SLC9C2: variants seen among roughly 807,000 people sequenced by gnomAD.
SLC9C2 encodes the protein solute carrier family 9 member C2 (putative).
Under a neutral mutation model 140.2 loss-of-function variants are expected in SLC9C2, and 75 were observed. The ratio of observed to expected loss-of-function variants is 0.53; its 90% CI spans 0.44 to 0.65. The LOEUF (loss-of-function observed/expected upper bound fraction) is 0.65. SLC9C2 is among the 30% of genes least tolerant of loss of function. SLC9C2 has a pLI of 0.00. For missense variants in SLC9C2, 1,074 were observed against 1,331.8 expected (o/e 0.81, Z 3.01); for synonymous variants, 375 against 420.9 (o/e 0.89, Z 1.34).
chr1:173,587,868 T>C lies in SLC9C2; in HGVS notation c.358-38A>G. 7 of 1,499,944 alleles carry C rather than the reference T, an allele frequency of 4.7e-6. 1 individual carries two copies. The South Asian group carries it at 7.5e-5, about 16-fold the overall frequency. 92.9% of individuals were successfully genotyped at this position (1,499,944 alleles called of 1,614,324 possible). On this transcript the variant is annotated intron_variant, in intron 4 of 27. Coordinates refer to ENST00000367714, the MANE Select transcript of SLC9C2 (RefSeq NM_178527.4). ...TCATAACACAGTATTAGACTTAACA[T>C]CTAAAGATGGCATGATGGCATTTAC... is the stretch of plus-strand genomic sequence containing the variant.
chr1:173,505,096 C>T (rs1221212879), intron 26 of SLC9C2, 151 bp downstream of exon 26: 6 of 647,722 alleles, frequency 9.3e-6, no homozygotes, highest in Non-Finnish European at 1.3e-5. Context: ...CCTCCCAGGG[C>T]AATGTGGCAG....
intron 9 of SLC9C2, among the ~76,000 whole-genome samples, chr1:173,563,455 G>A (rs948918372): frequency 1.3e-5 from 2 of 151,998 alleles, no homozygotes; most frequent in African/African-American, 4.8e-5. Context: ...AGGAAGGACC[G>A]GGAAGAGAAG....
In SLC9C2 at chr1:173,600,137, T is replaced by C; in HGVS notation, c.208A>G (p.Met70Val). ...AGTACCTCAACAGAATTGTAGGCCATGTGTCCTATCACGAATCCTGATAGA... is the reference window on the plus strand; with the variant it reads ...AGTACCTCAACAGAATTGTAGGCCACGTGTCCTATCACGAATCCTGATAGA... ...LSLSGFVIGH[M>V]AYNSVEVHQI... Residue 70 changes from methionine to valine, a missense_variant, in exon 3 of 28, where the codon ATG becomes GTG. Met to Val is a conservative substitution (Grantham distance 21). Transcript: ENST00000367714. 6.2e-7 allele frequency: 1 copy of C among 1,606,744 alleles called. No individual in the cohort carries two copies. Among genetic ancestry groups the C allele is most frequent in the Non-Finnish European group, 8.5e-7 (1 of 1,175,818 alleles).
intron 23 of SLC9C2, among the ~76,000 whole-genome samples, chr1:173,509,938 A>G (rs894345006): frequency 7.9e-5 from 12 of 152,248 alleles, no homozygotes; most frequent in African/African-American, 2.7e-4. Flanking sequence ...AGAAAAATGT[A>G]TATCAGTCAA....
At chr1:173,557,636 CT>C in intron 9 of SLC9C2, 128 bp from the exon 10 acceptor site, 1 of 798,610 alleles carries the variant, frequency 1.3e-6, no homozygotes, top group Non-Finnish European at 2.0e-6. Flanking sequence ...ATGCAATTTA[CT>C]GTTAAGTCCT....
intron 11 of SLC9C2, among the ~76,000 whole-genome samples, chr1:173,550,976 G>C (rs1436457531): frequency 6.6e-6 from 1 of 151,850 alleles, no homozygotes; most frequent in Non-Finnish European, 1.5e-5. Context: ...GGGAAAAGGA[G>C]AGCTGCCTAA....
intron 11 of SLC9C2, among the ~76,000 whole-genome samples, chr1:173,549,553 A>G (rs994394299): frequency 6.6e-6 from 1 of 152,192 alleles, no homozygotes; most frequent in African/African-American, 2.4e-5. Context: ...GCACCAGTAC[A>G]TCTGAATATA....
intron 11 of SLC9C2, among the ~76,000 whole-genome samples, chr1:173,553,593 G>C (rs1283114650): frequency 6.6e-6 from 1 of 152,216 alleles, no homozygotes; most frequent in Middle Eastern, 3.2e-3. Flanking sequence ...ATGATTGTTA[G>C]CATTTTTTTA....
chr1:173,547,339 C>T (rs985980126), intron 13 of SLC9C2, among the ~76,000 whole-genome samples: 8 of 150,812 alleles, frequency 5.3e-5, no homozygotes, highest in African/African-American at 1.2e-4. Flanking sequence ...GAGAGAATTT[C>T]GTATAAATGG....
chr1:173,586,845 C>T (rs1398182646), intron 5 of SLC9C2, among the ~76,000 whole-genome samples: 1 of 152,034 alleles, frequency 6.6e-6, no homozygotes, highest in Non-Finnish European at 1.5e-5. Context: ...CATATGGACA[C>T]AGGGAGGGAA....
chr1:173,559,284 C>A (rs915985430), intron 9 of SLC9C2, among the ~76,000 whole-genome samples: 2 of 152,228 alleles, frequency 1.3e-5, no homozygotes, highest in Admixed American at 1.3e-4. Context: ...GATGCTCCCC[C>A]TGCCCTGCCT....
intron 13 of SLC9C2, among the ~76,000 whole-genome samples, chr1:173,540,030 A>G (rs1662263144): frequency 6.6e-6 from 1 of 152,176 alleles, no homozygotes; most frequent in Non-Finnish European, 1.5e-5. Flanking sequence ...TTTGACTAAT[A>G]AAATGGGGGT....
In SLC9C2 at chr1:173,507,028, T is replaced by G; in HGVS notation, c.3053A>C (p.Gln1018Pro). ...SSLIDEDLRF[Q>P]NCVMFNQAYV... Reference sequence around the variant, plus strand: ...TGCTTGATTGAACATCACACAGTTCTGAAACCTTAAGTCCTATAATAAAAT... The same window carrying G: ...TGCTTGATTGAACATCACACAGTTCGGAAACCTTAAGTCCTATAATAAAAT... Residue 1018 changes from glutamine (Q) to proline (P), a missense_variant, in exon 25 of 28, where the codon CAG becomes CCG. Physicochemically the swap from Gln to Pro is moderately conservative, Grantham distance 76. Coordinates refer to ENST00000367714, the MANE Select transcript of SLC9C2 (RefSeq NM_178527.4). 1 of 1,586,334 alleles carries G rather than the reference T, an allele frequency of 6.3e-7. No individual in the cohort carries two copies. The highest frequency in any genetic ancestry group is 8.5e-7 in the Non-Finnish European group (1 of 1,170,896).
intron 11 of SLC9C2, among the ~76,000 whole-genome samples, chr1:173,550,868 T>G (rs1468267680): frequency 1.5e-5 from 1 of 68,334 alleles, no homozygotes; most frequent in Non-Finnish European, 2.5e-5. Flanking sequence ...TAGTGAGCCG[T>G]TGAAAGAGAG....
chr1:173,601,834 A>C lies in SLC9C2; in HGVS notation c.-58T>G. ...ATGGAGTGGTTTGGTTATTATTGAC[A>C]CTTTCACTTCTGCATGCTAACCTGT... On this transcript the variant is annotated 5_prime_UTR_variant, in exon 2 of 28. Coordinates refer to ENST00000367714, the MANE Select transcript of SLC9C2 (RefSeq NM_178527.4). 1 of 1,601,736 alleles carries C rather than the reference A, an allele frequency of 6.2e-7. No individual in the cohort carries two copies. The highest frequency in any genetic ancestry group is 8.5e-7 in the Non-Finnish European group (1 of 1,173,574).
chr1:173,580,347 A>G (rs1665450750), intron 7 of SLC9C2, among the ~76,000 whole-genome samples: 1 of 150,524 alleles, frequency 6.6e-6, no homozygotes, highest in Non-Finnish European at 1.5e-5. Flanking sequence ...ACATTAGGTG[A>G]TATAACACTT....
chr1:173,574,327 G>A (rs181574115), intron 8 of SLC9C2, among the ~76,000 whole-genome samples: 6 of 152,158 alleles, frequency 3.9e-5, no homozygotes, highest in African/African-American at 9.6e-5. Context: ...CATGTTCTTC[G>A]ATACACACAG....
chr1:173,504,960 A>G (rs1189946190), intron 26 of SLC9C2, among the ~76,000 whole-genome samples: 1 of 152,186 alleles, frequency 6.6e-6, no homozygotes, highest in Non-Finnish European at 1.5e-5. Context: ...ATGTGGCTGC[A>G]GCCTACCAGG....
At chr1:173,554,282 C>G (rs1663523274) in intron 11 of SLC9C2, among the ~76,000 whole-genome samples, 1 of 152,166 alleles carries the variant, frequency 6.6e-6, no homozygotes, top group Non-Finnish European at 1.5e-5. Flanking sequence ...ATGATACATA[C>G]AGAGGGAGGC....
Sources: allele counts gnomAD v4.1 joint callset (sites outside exome capture counted in the v4.1 genomes callset), GRCh38; gene constraint gnomAD v4.1.1; transcripts MANE v1.5; gene names NCBI Gene and HGNC (gene_info 2026-07-23, HGNC 2026-07-21).